The following APBB2 variants were observed in gnomAD, a reference collection of about 807,000 sequenced individuals.
The protein encoded by APBB2 is amyloid beta precursor protein binding family B member 2, also known as Fe65-like 1.
APBB2 carries 38 observed loss-of-function variants against 82.5 expected under a neutral mutation model. That is an observed-to-expected ratio of 0.46 (90% CI 0.36 to 0.60). The LOEUF (loss-of-function observed/expected upper bound fraction) is 0.60. Ranked by LOEUF, APBB2 falls within the 20% of genes least tolerant of loss-of-function variation. The probability of loss-of-function intolerance (pLI) is 0.00; values close to 1 mark genes in which losing one functional copy is unlikely to be tolerated. For missense variants in APBB2, 772 were observed against 972.3 expected (o/e 0.79, Z 2.74); for synonymous variants, 341 against 368.2 (o/e 0.93, Z 0.85).
In APBB2 at chr4:40,810,966, G is replaced by A. The variant is rs1009367929; in HGVS notation, c.*5126C>T. 3 of 152,200 alleles carry A rather than the reference G, an allele frequency of 2.0e-5. No homozygotes were observed. The highest frequency in any genetic ancestry group is 4.4e-5 in the Non-Finnish European group (3 of 68,054). 9.4% of individuals were successfully genotyped at this position (152,200 alleles called of 1,614,324 possible). ...CTGAAAAGTATTCCATTGTCCAGAAGTAGCTGGTCTTGAGATTTTTATTTT... is the reference window on the plus strand; with the variant it reads ...CTGAAAAGTATTCCATTGTCCAGAAATAGCTGGTCTTGAGATTTTTATTTT... On this transcript the variant is annotated 3_prime_UTR_variant, in exon 18 of 18. Transcript: ENST00000508593.
At chr4:41,006,359 T>C (rs1346843321) in intron 6 of APBB2, among the ~76,000 whole-genome samples, 1 of 152,192 alleles carries the variant, frequency 6.6e-6, no homozygotes, top group African/African-American at 2.4e-5. Flanking sequence ...TGAGAAGACA[T>C]AACAGGAAGG....
At chr4:40,890,227 G>T in intron 12 of APBB2, 137 bp downstream of exon 12, 1 of 1,208,414 alleles carries the variant, frequency 8.3e-7, no homozygotes, top group Non-Finnish European at 1.1e-6. Context: ...CTAGAGACAA[G>T]CTTTCATTTT....
intron 1 of APBB2, among the ~76,000 whole-genome samples, chr4:41,186,864 C>A (rs182238476): frequency 1.3e-5 from 2 of 152,234 alleles, no homozygotes; most frequent in African/African-American, 4.8e-5. Flanking sequence ...ATTATGAAGC[C>A]AGAGCTGATA....
At chr4:40,988,280 A>G (rs902504558) in intron 6 of APBB2, among the ~76,000 whole-genome samples, 20 of 152,188 alleles carry the variant, frequency 1.3e-4, no homozygotes, top group Non-Finnish European at 4.4e-5. Context: ...ATGCATATGT[A>G]CTTGAATTCA....
intron 10 of APBB2, among the ~76,000 whole-genome samples, chr4:40,914,759 C>T (rs916578411): frequency 6.6e-6 from 1 of 151,960 alleles, no homozygotes; most frequent in Non-Finnish European, 1.5e-5. Context: ...ATTCAATTGC[C>T]GCAAATGATG....
chr4:40,915,872 T>C (rs1779712205), intron 10 of APBB2, among the ~76,000 whole-genome samples: 1 of 151,840 alleles, frequency 6.6e-6, no homozygotes, highest in Non-Finnish European at 1.5e-5. Context: ...TAAATCCAAG[T>C]CCTGAGAGCA....
intron 1 of APBB2, among the ~76,000 whole-genome samples, chr4:41,166,694 G>C (rs2154049232): frequency 6.6e-6 from 1 of 152,176 alleles, no homozygotes; most frequent in Non-Finnish European, 1.5e-5. Context: ...TCAAGAGTTT[G>C]AGACCAGCCT....
chr4:41,150,287 G>A (rs545099859), intron 1 of APBB2, among the ~76,000 whole-genome samples: 14 of 152,278 alleles, frequency 9.2e-5, no homozygotes, highest in African/African-American at 3.4e-4. Flanking sequence ...TGTCTATTTA[G>A]AGCATTGGGG....
intron 1 of APBB2, among the ~76,000 whole-genome samples, chr4:41,209,445 C>T (rs1778780315): frequency 6.6e-6 from 1 of 152,236 alleles, no homozygotes; most frequent in Non-Finnish European, 1.5e-5. Context: ...ATCTGTCCAA[C>T]ACAGTGACAG....
At chr4:40,825,633 G>A (rs773698944) in intron 15 of APBB2, 1 of 443,322 alleles carries the variant, frequency 2.3e-6, no homozygotes, top group Non-Finnish European at 4.2e-6. Context: ...TGGACTACTG[G>A]GTAAACAAGA....
chr4:40,945,955 G>C (rs1051693491), intron 6 of APBB2, among the ~76,000 whole-genome samples: 2 of 152,152 alleles, frequency 1.3e-5, no homozygotes, highest in Non-Finnish European at 2.9e-5. Context: ...AAGGAAGGCC[G>C]GGCGTGGTGG....
At chr4:41,173,428 C>T (rs1768879699) in intron 1 of APBB2, among the ~76,000 whole-genome samples, 1 of 152,106 alleles carries the variant, frequency 6.6e-6, no homozygotes, top group Non-Finnish European at 1.5e-5. Context: ...TAGACAGATT[C>T]CTATCGGCCA....
chr4:41,202,080 G>C (rs959944048), intron 1 of APBB2, among the ~76,000 whole-genome samples: 1 of 152,126 alleles, frequency 6.6e-6, no homozygotes. Flanking sequence ...ATTTCTCCTT[G>C]GAATTTTAAC....
At chr4:41,195,736 C>T in intron 1 of APBB2, among the ~76,000 whole-genome samples, 1 of 149,566 alleles carries the variant, frequency 6.7e-6, no homozygotes, top group Admixed American at 6.6e-5. Context: ...TCTGACTCCT[C>T]TGCTCCTCCT....
intron 12 of APBB2, among the ~76,000 whole-genome samples, chr4:40,886,444 C>T (rs902376196): frequency 1.3e-5 from 2 of 152,030 alleles, no homozygotes; most frequent in Admixed American, 6.5e-5. Flanking sequence ...TGCACCATTG[C>T]ACTCCAGCCT....
chr4:40,864,885 G>T (rs1763684523), intron 12 of APBB2, among the ~76,000 whole-genome samples: 2 of 142,098 alleles, frequency 1.4e-5, no homozygotes, highest in Admixed American at 7.3e-5. Context: ...TAGAGACAGG[G>T]TCTCACTCTG....
chr4:41,104,912 C>A (rs1298516187), intron 2 of APBB2, among the ~76,000 whole-genome samples: 2 of 152,172 alleles, frequency 1.3e-5, no homozygotes, highest in Non-Finnish European at 2.9e-5. Context: ...CAAGGGGCAC[C>A]TGAGTTGATT....
chr4:41,004,403 C>A (rs1034980818), intron 6 of APBB2, among the ~76,000 whole-genome samples: 5 of 152,178 alleles, frequency 3.3e-5, no homozygotes, highest in Non-Finnish European at 5.9e-5. Flanking sequence ...AACACAAAGA[C>A]ACATTTTGTC....
intron 2 of APBB2, among the ~76,000 whole-genome samples, chr4:41,111,622 TG>T (rs1331912120): frequency 6.6e-6 from 1 of 152,220 alleles, no homozygotes; most frequent in Non-Finnish European, 1.5e-5. Flanking sequence ...TGACTCTTGC[TG>T]ATGGAAATAA....
Sources: gnomAD v4.1 joint callset for allele counts (sites outside exome capture counted in the v4.1 genomes callset) on GRCh38, gnomAD v4.1.1 for gene constraint, MANE v1.5 for transcripts, NCBI Gene and HGNC (gene_info 2026-07-23, HGNC 2026-07-21) for gene names.